Variants in ITGA9 observed in about 807,000 individuals in gnomAD.
ITGA9 encodes integrin subunit alpha 9, also known as integrin alpha-9.
In ITGA9, 56 loss-of-function variants were observed where a neutral mutation model predicts 127.8. That is an observed-to-expected ratio of 0.44 (90% confidence interval 0.35 to 0.55). ITGA9 has a LOEUF of 0.55. Ranked by LOEUF, ITGA9 falls within the 20% of genes least tolerant of loss-of-function variation. ITGA9 has a pLI of 0.00. For missense variants in ITGA9, 1,196 were observed against 1,347.1 expected (o/e 0.89, Z 1.76); for synonymous variants, 508 against 514.5 (o/e 0.99, Z 0.17).
chr3:37,601,640 C>T (rs1385976164), intron 15 of ITGA9, among the ~76,000 whole-genome samples: 3 of 152,214 alleles, frequency 2.0e-5, no homozygotes, highest in East Asian at 1.9e-4. Flanking sequence ...ATGGCTTCCA[C>T]GCCTCATCAA....
At chr3:37,536,199 C>G (rs571677459) in intron 14 of ITGA9, among the ~76,000 whole-genome samples, 3 of 152,334 alleles carry the variant, frequency 2.0e-5, no homozygotes, top group Admixed American at 2.0e-4. Flanking sequence ...AGGCCTCTGC[C>G]TCAGGAACCC....
At chr3:37,633,792 G>A (rs1038047809) in intron 16 of ITGA9, among the ~76,000 whole-genome samples, 4 of 152,100 alleles carry the variant, frequency 2.6e-5, no homozygotes, top group African/African-American at 9.7e-5. Flanking sequence ...TCCTATAACT[G>A]ACTGGGACCT....
intron 5 of ITGA9, among the ~76,000 whole-genome samples, chr3:37,499,105 A>G (rs2125567983): frequency 6.6e-6 from 1 of 152,344 alleles, no homozygotes; most frequent in South Asian, 2.1e-4. Context: ...TATGGATACC[A>G]CCTGAATTTT....
In ITGA9 at chr3:37,542,451, G is replaced by T; in HGVS notation, c.1555G>T (p.Val519Leu). 1 of 1,613,794 alleles carries T rather than the reference G, an allele frequency of 6.2e-7. No homozygotes were observed. Among genetic ancestry groups the T allele is most frequent in the South Asian group, 1.1e-5 (1 of 91,042 alleles). The change falls in exon 15 of 28, where the codon GTG becomes TTG. Residue 519 changes from valine to leucine, a missense_variant. Transcript: ENST00000264741. Reference sequence around the variant, plus strand: ...CCTGAATTATGTTCTGATGGCTGACGTGGCCAAAAAGGAGAAGGGCCAGAT... The same window carrying T: ...CCTGAATTATGTTCTGATGGCTGACTTGGCCAAAAAGGAGAAGGGCCAGAT... The part of the protein sequence containing the change: ...IGLNYVLMAD[V>L]AKKEKGQMPR...
At chr3:37,731,271 G>GC (rs1696288751) in intron 18 of ITGA9, among the ~76,000 whole-genome samples, 1 of 152,080 alleles carries the variant, frequency 6.6e-6, no homozygotes, top group African/African-American at 2.4e-5. Context: ...AGGCTGGAGT[G>GC]CAGTGGCACC....
chr3:37,452,278 CCG>C lies in ITGA9; in HGVS notation c.-95_-94del, dbSNP rs1399324232. Reference sequence around the variant, plus strand: ...CCGCCCGTGTCCAGGCGCAGAGCTCCCGCCCCGGGGAGCTTCCTGGCCGTCGG... The same window carrying C: ...CCGCCCGTGTCCAGGCGCAGAGCTCCCCCCGGGGAGCTTCCTGGCCGTCGG... On this transcript the variant is annotated 5_prime_UTR_variant, in exon 1 of 28. Coordinates refer to ENST00000264741, the MANE Select transcript of ITGA9 (RefSeq NM_002207.3). The surrounding 1 kb of genome is among the most constrained non-coding windows in gnomAD (Gnocchi z 7.3). The C allele has an allele frequency of 4.3e-5, 29 of 669,084 alleles. No homozygotes were observed. The highest frequency in any genetic ancestry group is 4.8e-5 in the Non-Finnish European group (26 of 539,822). The allele number at this position is 669,084 out of a possible 1,614,324, so 41.4% of individuals were successfully genotyped here. A position where few individuals can be genotyped will look rare whatever the true frequency, so the allele number is the denominator to read the frequency against.
chr3:37,677,185 G>C (rs1359512981), intron 17 of ITGA9, among the ~76,000 whole-genome samples: 2 of 152,124 alleles, frequency 1.3e-5, no homozygotes, highest in African/African-American at 2.4e-5. Flanking sequence ...CTTATTCCCT[G>C]TAGCTTAATT....
At chr3:37,453,033 C>T (rs1285693490) in intron 1 of ITGA9, among the ~76,000 whole-genome samples, 1 of 152,114 alleles carries the variant, frequency 6.6e-6, no homozygotes, top group African/African-American at 2.4e-5. Context: ...ATAGCCTCTC[C>T]AGCGCCGCTG....
intron 15 of ITGA9, among the ~76,000 whole-genome samples, chr3:37,547,182 G>T (rs1184215461): frequency 1.3e-5 from 2 of 150,356 alleles, no homozygotes; most frequent in Non-Finnish European, 3.0e-5. Context: ...CGGTATTATT[G>T]TTAAAAACAA....
intron 1 of ITGA9, among the ~76,000 whole-genome samples, chr3:37,455,863 C>T (rs1041801974): frequency 6.6e-6 from 1 of 152,142 alleles, no homozygotes; most frequent in African/African-American, 2.4e-5. Flanking sequence ...CAGAGTAGAG[C>T]GTTCCCATGT....
chr3:37,746,490 C>T (rs1477617954), intron 22 of ITGA9, among the ~76,000 whole-genome samples: 2 of 152,160 alleles, frequency 1.3e-5, no homozygotes, highest in Non-Finnish European at 2.9e-5. Context: ...TGAACATTTG[C>T]AGAGAATCCA....
At position 37,782,753 on chromosome 3, in the gene ITGA9, G is replaced by A. The variant is rs59096511; in HGVS notation, c.2788-2224G>A. On this transcript the variant is annotated intron_variant, in intron 25 of 27. Coordinates refer to ENST00000264741, the MANE Select transcript of ITGA9 (RefSeq NM_002207.3). ...CTGCAGTCGTGTTTATTTTCCTTTT[G>A]ACCTCAAGATCTGGCCCCAGACAAG... Among the ~76,000 whole-genome samples the A allele has an allele frequency of 8.1e-3, 1,235 of 151,656 alleles. 20 individuals are homozygous for A. Among genetic ancestry groups the A allele is most frequent in the African/African-American group, 0.028 (1,166 of 41,388 alleles).
intron 15 of ITGA9, among the ~76,000 whole-genome samples, chr3:37,546,544 G>A (rs1288695209): frequency 6.6e-6 from 1 of 152,234 alleles, no homozygotes; most frequent in Non-Finnish European, 1.5e-5. Flanking sequence ...TCAGTCCACA[G>A]GTTTTGGACA....
chr3:37,727,415 A>C (rs1696225410), intron 18 of ITGA9, among the ~76,000 whole-genome samples: 1 of 152,226 alleles, frequency 6.6e-6, no homozygotes, highest in African/African-American at 2.4e-5. Flanking sequence ...ATAGGGTCTA[A>C]AATTTTATAA....
At chr3:37,695,937 T>C (rs1323143651) in intron 18 of ITGA9, among the ~76,000 whole-genome samples, 1 of 152,234 alleles carries the variant, frequency 6.6e-6, no homozygotes, top group African/African-American at 2.4e-5. Context: ...CCTGTCTTCA[T>C]AGGGGTTTTC....
chr3:37,750,445 G>A lies in ITGA9; in HGVS notation c.2434-17G>A, dbSNP rs1381634492. On this transcript the variant is annotated splice_polypyrimidine_tract_variant and intron_variant, in intron 22 of 27. Coordinates refer to ENST00000264741, the MANE Select transcript of ITGA9 (RefSeq NM_002207.3). ...TATTTTCCACTGAGACTTGCTGTGT[G>A]TGTTCCACACCCACAGGTCTACAAC... is the stretch of plus-strand genomic sequence containing the variant. The A allele has an allele frequency of 6.8e-7, 1 of 1,463,258 alleles. No homozygotes were observed. Among genetic ancestry groups the A allele is most frequent in the Non-Finnish European group, 9.6e-7 (1 of 1,042,416 alleles). The allele number at this position is 1,463,258 out of a possible 1,614,324, so 90.6% of individuals were successfully genotyped here. A position where few individuals can be genotyped will look rare whatever the true frequency, so the allele number is the denominator to read the frequency against.
chr3:37,458,398 G>A (rs1234293708), intron 1 of ITGA9, among the ~76,000 whole-genome samples: 1 of 152,238 alleles, frequency 6.6e-6, no homozygotes, highest in Admixed American at 6.5e-5. Context: ...AGTTGGATGG[G>A]ACAGAGAGAG....
intron 15 of ITGA9, among the ~76,000 whole-genome samples, chr3:37,596,977 C>A (rs1022040790): frequency 2.6e-5 from 4 of 152,178 alleles, no homozygotes; most frequent in Non-Finnish European, 5.9e-5. Context: ...TCCTCCCCTC[C>A]TCTCCTCCCC....
At chr3:37,709,382 A>G (rs1701052302) in intron 18 of ITGA9, among the ~76,000 whole-genome samples, 1 of 152,220 alleles carries the variant, frequency 6.6e-6, no homozygotes, top group South Asian at 2.1e-4. Context: ...GGCACACAGG[A>G]CAGATCCTTT....
Sources: gnomAD v4.1 joint callset for allele counts (sites outside exome capture counted in the v4.1 genomes callset) on GRCh38, gnomAD v4.1.1 for gene constraint, Gnocchi (gnomAD v3.1) non-coding constraint, MANE v1.5 for transcripts, NCBI Gene and HGNC (gene_info 2026-07-23, HGNC 2026-07-21) for gene names.